Variants in CREB5 observed in about 807,000 individuals in gnomAD.
The protein encoded by CREB5 is cyclic AMP-responsive element-binding protein 5.
In CREB5, 19 loss-of-function variants were observed where a neutral mutation model predicts 57.1. The ratio of observed to expected loss-of-function variants is 0.33; its 90% CI spans 0.23 to 0.49. The LOEUF is 0.49. Among genes scored for constraint, CREB5 ranks in the 20% least tolerant of loss-of-function variants. CREB5 has a pLI of 0.99. For synonymous variants in CREB5, 238 were observed against 238.3 expected (o/e 1.00, Z 0.01); for missense variants, 579 against 671.6 (o/e 0.86, Z 1.52).
At chr7:28,495,310 G>T (rs1436692146) in intron 3 of CREB5, among the ~76,000 whole-genome samples, 2 of 152,026 alleles carry the variant, frequency 1.3e-5, no homozygotes, top group East Asian at 3.9e-4. Flanking sequence ...GGCTGAGGTG[G>T]GCAGATCACT....
At chr7:28,647,309 G>A (rs955145751) in intron 5 of CREB5, among the ~76,000 whole-genome samples, 3 of 151,784 alleles carry the variant, frequency 2.0e-5, no homozygotes, top group Non-Finnish European at 4.4e-5. Context: ...CACAGACTAG[G>A]GTGGAGCATC....
chr7:28,405,585 A>C (rs1476151956), intron 1 of CREB5, among the ~76,000 whole-genome samples: 1 of 151,976 alleles, frequency 6.6e-6, no homozygotes, highest in Non-Finnish European at 1.5e-5. Context: ...GCTAATTTTT[A>C]AAAACTTTTT....
At chr7:28,365,413 C>A (rs1436323709) in intron 1 of CREB5, among the ~76,000 whole-genome samples, 1 of 152,138 alleles carries the variant, frequency 6.6e-6, no homozygotes, top group African/African-American at 2.4e-5. Flanking sequence ...GAATTATCAC[C>A]TTTCCTCCCG....
chr7:28,300,601 C>T (rs1471738457), intron 1 of CREB5, among the ~76,000 whole-genome samples: 1 of 152,106 alleles, frequency 6.6e-6, no homozygotes, highest in Non-Finnish European at 1.5e-5. Flanking sequence ...AACAAAAATC[C>T]CAGTGAACAT....
At chr7:28,671,917 G>A (rs891622620) in intron 5 of CREB5, among the ~76,000 whole-genome samples, 3 of 152,058 alleles carry the variant, frequency 2.0e-5, no homozygotes, top group Admixed American at 2.0e-4. Flanking sequence ...TTTCTGGTTA[G>A]CTCTTATTTT....
chr7:28,553,395 T>C (rs1241656583), intron 4 of CREB5, among the ~76,000 whole-genome samples: 1 of 152,236 alleles, frequency 6.6e-6, no homozygotes, highest in Non-Finnish European at 1.5e-5. Flanking sequence ...AATCTTTCAT[T>C]AGCCAACATA....
chr7:28,681,864 G>A (rs1800610780), intron 5 of CREB5, among the ~76,000 whole-genome samples: 1 of 152,162 alleles, frequency 6.6e-6, no homozygotes, highest in South Asian at 2.1e-4. Context: ...TTCAGACATT[G>A]GTTTAGGTTT....
At chr7:28,523,149 C>G (rs1793283830) in intron 4 of CREB5, among the ~76,000 whole-genome samples, 1 of 152,178 alleles carries the variant, frequency 6.6e-6, no homozygotes, top group South Asian at 2.1e-4. Context: ...TGCCCTGGGT[C>G]TCTTAGGGCA....
intron 5 of CREB5, among the ~76,000 whole-genome samples, chr7:28,603,331 C>A (rs1796993338): frequency 1.3e-5 from 2 of 152,176 alleles, no homozygotes; most frequent in Non-Finnish European, 2.9e-5. Flanking sequence ...CATGCAGAAT[C>A]ATTTTTCCCA....
At chr7:28,694,073 C>T (rs114048673) in intron 5 of CREB5, among the ~76,000 whole-genome samples, 1,884 of 152,144 alleles carry the variant, frequency 0.012, 33 homozygotes, top group African/African-American at 0.042. Context: ...CTTTTTTCAC[C>T]GCTTTTTGTT....
At chr7:28,377,369 T>C (rs1786853926) in intron 1 of CREB5, among the ~76,000 whole-genome samples, 1 of 152,126 alleles carries the variant, frequency 6.6e-6, no homozygotes, top group Admixed American at 6.5e-5. Context: ...ATATTTTTGA[T>C]ATATTGGGTT....
chr7:28,566,042 A>T (rs1795458845), intron 4 of CREB5, among the ~76,000 whole-genome samples: 1 of 152,216 alleles, frequency 6.6e-6, no homozygotes, highest in Non-Finnish European at 1.5e-5. Context: ...ATATTCTCTG[A>T]TTCTTCTGCT....
chr7:28,488,219 T>C lies in CREB5; in HGVS notation c.48T>C (p.Phe16=). The C allele has an allele frequency of 6.2e-7, 1 of 1,613,962 alleles. No individual in the cohort carries two copies. Among genetic ancestry groups the C allele is most frequent in the Non-Finnish European group, 8.5e-7 (1 of 1,179,906 alleles). Residue 16 remains phenylalanine, a synonymous_variant, in exon 2 of 11, where the codon TTT becomes TTC. Transcript: ENST00000357727. ...TGAATTTGGAGCAGGAGAGGCCGTT[T>C]GTCTGCAGTGCCCCAGGCTGCTCCC... ...SKMNLEQERP[F]VCSAPGCSQR... is the part of the protein sequence containing the mutation.
Position 28,823,043 on chromosome 7 carries a change from C to T in CREB5, c.*3764C>T, listed in dbSNP as rs79083008. 0.091 allele frequency: 13,810 copies of T among 152,564 alleles called. 752 individuals carry two copies. The highest frequency in any genetic ancestry group is 0.12 in the Admixed American group (1,812 of 15,278). 9.5% of individuals were successfully genotyped at this position (152,564 alleles called of 1,614,324 possible). On this transcript the variant is annotated 3_prime_UTR_variant, in exon 11 of 11. Coordinates refer to ENST00000357727, the MANE Select transcript of CREB5 (RefSeq NM_182898.4). Reference sequence around the variant, plus strand: ...AGAGCGTATTCTGATAGAAGGACGTCGACGGTGAATGTTCTGGTGGTTGTT... The same window carrying T: ...AGAGCGTATTCTGATAGAAGGACGTTGACGGTGAATGTTCTGGTGGTTGTT...
chr7:28,807,828 G>A (rs1808837059), intron 8 of CREB5, among the ~76,000 whole-genome samples: 1 of 152,096 alleles, frequency 6.6e-6, no homozygotes, highest in African/African-American at 2.4e-5. Flanking sequence ...GAAGAAGGAG[G>A]AAGGAGTGAA....
At chr7:28,399,110 A>T (rs1787394746) in intron 1 of CREB5, among the ~76,000 whole-genome samples, 2 of 152,156 alleles carry the variant, frequency 1.3e-5, no homozygotes, top group South Asian at 4.1e-4. Flanking sequence ...GGAAAAATTG[A>T]AGGGGCCAGG....
intron 1 of CREB5, among the ~76,000 whole-genome samples, chr7:28,467,328 T>C (rs1002945282): frequency 1.3e-5 from 2 of 152,196 alleles, no homozygotes; most frequent in African/African-American, 4.8e-5. Flanking sequence ...TATGCAGAAT[T>C]ACCCCCGCTT....
intron 5 of CREB5, among the ~76,000 whole-genome samples, chr7:28,718,457 T>C (rs1802824264): frequency 6.6e-6 from 1 of 152,240 alleles, no homozygotes; most frequent in South Asian, 2.1e-4. Flanking sequence ...ACCAAGTTCC[T>C]TTCCTAAGAT....
At chr7:28,392,185 AT>A (rs1787231578) in intron 1 of CREB5, among the ~76,000 whole-genome samples, 1 of 152,178 alleles carries the variant, frequency 6.6e-6, no homozygotes, top group East Asian at 1.9e-4. Flanking sequence ...TAGGCTTAGT[AT>A]TTGGGTGATG....
Sources: allele counts gnomAD v4.1 joint callset (sites outside exome capture counted in the v4.1 genomes callset), GRCh38; gene constraint gnomAD v4.1.1; transcripts MANE v1.5; gene names NCBI Gene and HGNC (gene_info 2026-07-23, HGNC 2026-07-21).